The following TOX4 variants were observed in gnomAD, a reference collection of about 807,000 sequenced individuals.
TOX4 encodes TOX high mobility group box family member 4, also known as epidermal Langerhans cell protein LCP1.
In TOX4, 12 loss-of-function variants were observed where a neutral mutation model predicts 61.0. That is an observed-to-expected ratio of 0.20 (90% CI 0.13 to 0.32). The LOEUF is 0.32. Among genes scored for constraint, TOX4 ranks in the 10% least tolerant of loss-of-function variants. The probability of loss-of-function intolerance (pLI) is 1.00; values close to 1 mark genes in which losing one functional copy is unlikely to be tolerated. For missense variants in TOX4, 499 were observed against 753.3 expected, an observed-to-expected ratio of 0.66 and a Z score of 3.95; for synonymous variants, 268 against 274.8, an observed-to-expected ratio of 0.98 and a Z score of 0.24.
At chr14:21,486,588 T>A (rs2139622553) in intron 2 of TOX4, among the ~76,000 whole-genome samples, 1 of 152,310 alleles carries the variant, frequency 6.6e-6, no homozygotes, top group East Asian at 1.9e-4. Flanking sequence ...TATTTATAAA[T>A]GTCTATTGCT....
chr14:21,488,692 T>C lies in TOX4; in HGVS notation c.421T>C (p.Leu141=). ...ATCTGGCTTGATGGGGCATAGCCAGTTGACCACCATTGATCAGTCAGAACT... is the reference window on the plus strand; with the variant it reads ...ATCTGGCTTGATGGGGCATAGCCAGCTGACCACCATTGATCAGTCAGAACT... ...MTSGLMGHSQ[L]TTIDQSELSS... is the part of the protein sequence containing the mutation. Residue 141 remains leucine, a synonymous_variant, in exon 4 of 9, where the codon TTG becomes CTG. Coordinates refer to ENST00000448790, the MANE Select transcript of TOX4 (RefSeq NM_014828.4). 2 of 1,614,194 alleles carry C rather than the reference T, an allele frequency of 1.2e-6. No homozygotes were observed. The highest frequency in any genetic ancestry group is 1.7e-6 in the Non-Finnish European group (2 of 1,180,038).
chr14:21,490,416 G>A (rs1211064230), intron 5 of TOX4, among the ~76,000 whole-genome samples: 3 of 151,084 alleles, frequency 2.0e-5, no homozygotes, highest in African/African-American at 7.3e-5. Context: ...CAGAGGTTGC[G>A]GTGAGCCGAG....
chr14:21,495,286 T>C lies in TOX4; in HGVS notation c.1699T>C (p.Ser567Pro). ...GGTGAGTGGGTCTCCTGTGGCACTC[T>C]CACCCCAGCCTCGATGTGTGAGGTC... Reference protein sequence around the residue: ...ELVSGSPVALSPQPRCVRSGC... With the variant: ...ELVSGSPVALPPQPRCVRSGC... Residue 567 changes from serine (S) to proline (P), a missense_variant, in exon 8 of 9, where the codon TCA becomes CCA. Transcript: ENST00000448790. 1.2e-6 allele frequency: 2 copies of C among 1,614,186 alleles called. No individual in the cohort carries two copies. Among genetic ancestry groups the C allele is most frequent in the Non-Finnish European group, 8.5e-7 (1 of 1,180,040 alleles).
chr14:21,482,723 G>T, intron 2 of TOX4: 1 of 289,252 alleles, frequency 3.5e-6, no homozygotes, highest in South Asian at 3.1e-5. Context: ...GTGTGATCTG[G>T]TTATGTAATC....
intron 5 of TOX4, among the ~76,000 whole-genome samples, chr14:21,491,457 T>G (rs2139628282): frequency 6.6e-6 from 1 of 152,116 alleles, no homozygotes; most frequent in Middle Eastern, 3.4e-3. Flanking sequence ...TCTCCCAGGT[T>G]CACGCCATTC....
chr14:21,496,284 T>C (rs1891399352), intron 8 of TOX4: 2 of 287,648 alleles, frequency 7.0e-6, no homozygotes, highest in East Asian at 7.8e-5. Flanking sequence ...TCCCAGCACT[T>C]TGGGAGGCCA....
intron 2 of TOX4, among the ~76,000 whole-genome samples, chr14:21,484,289 C>A (rs1436475158): frequency 1.4e-5 from 2 of 141,436 alleles, no homozygotes; most frequent in Non-Finnish European, 3.1e-5. Flanking sequence ...CTTTTTTCTC[C>A]CTAGTTTCTG....
At position 21,497,113 on chromosome 14, in the gene TOX4, G is replaced by C. The variant is rs1022155225; in HGVS notation, c.*507G>C. 5 of 153,608 alleles carry C rather than the reference G, an allele frequency of 3.3e-5. No individual in the cohort carries two copies. The highest frequency in any genetic ancestry group is 1.9e-4 in the Admixed American group (3 of 15,584). 9.5% of individuals were successfully genotyped at this position (153,608 alleles called of 1,614,324 possible). On this transcript the variant is annotated 3_prime_UTR_variant, in exon 9 of 9. Transcript: ENST00000448790. ...GGGCATACTGGGCTACATGGAAAAT[G>C]ACATCACCCAGGAGTGATTTCTCTT... is the stretch of plus-strand genomic sequence containing the variant.
chr14:21,489,097 C>A, intron 4 of TOX4, 76 bp from the exon 5 acceptor site: 1 of 1,472,754 alleles, frequency 6.8e-7, no homozygotes, highest in South Asian at 1.3e-5. Context: ...CTGAAAATTC[C>A]ATACATGTGG....
chr14:21,496,660 A>C lies in TOX4; in HGVS notation c.*54A>C. ...GTTATCTGCTGGGAAAGTGTCCAAGAGCCTGTTTTTGAAACACAAGCTGGG... is the reference window on the plus strand; with the variant it reads ...GTTATCTGCTGGGAAAGTGTCCAAGCGCCTGTTTTTGAAACACAAGCTGGG... On this transcript the variant is annotated 3_prime_UTR_variant, in exon 9 of 9. Coordinates refer to ENST00000448790, the MANE Select transcript of TOX4 (RefSeq NM_014828.4). 6.5e-7 allele frequency: 1 copy of C among 1,544,916 alleles called. No homozygotes were observed. The highest frequency in any genetic ancestry group is 8.9e-7 in the Non-Finnish European group (1 of 1,122,168).
rs1332981294 is a variant in TOX4 at position 21,488,682 on chromosome 14, G to A, written c.411G>A (p.Gly137=). The A allele has an allele frequency of 1.2e-6, 2 of 1,614,124 alleles. No homozygotes were observed. Among genetic ancestry groups the A allele is most frequent in the Admixed American group, 3.3e-5 (2 of 60,020 alleles). ...PMTDMTSGLM[G]HSQLTTIDQS... Reference sequence around the variant, plus strand: ...CAGACATGACATCTGGCTTGATGGGGCATAGCCAGTTGACCACCATTGATC... The same window carrying A: ...CAGACATGACATCTGGCTTGATGGGACATAGCCAGTTGACCACCATTGATC... Residue 137 remains glycine, a synonymous_variant, in exon 4 of 9, where the codon GGG becomes GGA. Transcript: ENST00000448790.
chr14:21,492,678 G>A lies in TOX4; in HGVS notation c.1062G>A (p.Gln354=), dbSNP rs1315130597. 3.1e-6 allele frequency: 5 copies of A among 1,613,996 alleles called. No homozygotes were observed. In the South Asian group the frequency reaches 3.3e-5, roughly 11 times the overall value. The change falls in exon 7 of 9, where the codon CAG becomes CAA. Residue 354 remains glutamine, a synonymous_variant. Coordinates refer to ENST00000448790, the MANE Select transcript of TOX4 (RefSeq NM_014828.4). ...CCCTTTCATCCTATGTGGCAAACCAGGCATCTTCTGGAGCTGGGGGTCAGC... is the reference window on the plus strand; with the variant it reads ...CCCTTTCATCCTATGTGGCAAACCAAGCATCTTCTGGAGCTGGGGGTCAGC... ...NSTLSSYVAN[Q]ASSGAGGQPN...
chr14:21,492,209 C>CA (rs1239933308), intron 5 of TOX4, 87 bp from the exon 6 acceptor site: 1 of 1,223,312 alleles, frequency 8.2e-7, no homozygotes, highest in Non-Finnish European at 1.2e-6. Context: ...GATGAATTGT[C>CA]ATTCATTGAT....
Position 21,498,563 on chromosome 14 carries a change from G to C in TOX4, c.*1957G>C. 1 of 607,480 alleles carries C rather than the reference G, an allele frequency of 1.6e-6. No homozygotes were observed. The allele number at this position is 607,480 out of a possible 1,614,324, so 37.6% of individuals were successfully genotyped here. The stretch of plus-strand genomic sequence containing the variant: ...TGGCATAGATTCTGGTGTTAAAATA[G>C]ACTGGATCTGTATTATCTGAGGGTT... On this transcript the variant is annotated 3_prime_UTR_variant, in exon 9 of 9. Transcript: ENST00000448790.
chr14:21,477,826 T>A (rs1193710765), intron 2 of TOX4, among the ~76,000 whole-genome samples: 1 of 152,058 alleles, frequency 6.6e-6, no homozygotes, highest in Non-Finnish European at 1.5e-5. Context: ...GAAGACAGAG[T>A]GGAATTGTCT....
At chr14:21,478,757 C>T (rs1372333778) in intron 2 of TOX4, among the ~76,000 whole-genome samples, 1 of 151,928 alleles carries the variant, frequency 6.6e-6, no homozygotes, top group Admixed American at 6.6e-5. Context: ...CTAACGTTTT[C>T]ATGGATGAAA....
chr14:21,477,348 G>T, intron 1 of TOX4, 64 bp downstream of exon 1: 1 of 1,613,798 alleles, frequency 6.2e-7, no homozygotes, highest in Non-Finnish European at 8.5e-7. Context: ...AAGCAGGGAC[G>T]GGAAGCCGGG....
chr14:21,492,174 T>C (rs750206576), intron 5 of TOX4, 122 bp from the exon 6 acceptor site: 9 of 895,780 alleles, frequency 1.0e-5, no homozygotes, highest in East Asian at 7.9e-5. Flanking sequence ...AATTCACTGA[T>C]AGAGGTTGTC....
intron 4 of TOX4, 101 bp downstream of exon 4, chr14:21,488,951 C>A (rs1187166649): frequency 6.6e-7 from 1 of 1,507,170 alleles, no homozygotes. Context: ...GCCGTGCCAT[C>A]TCCTCTGCTG....
Sources: gnomAD v4.1 joint callset for allele counts (sites outside exome capture counted in the v4.1 genomes callset) on GRCh38, gnomAD v4.1.1 for gene constraint, MANE v1.5 for transcripts, NCBI Gene and HGNC (gene_info 2026-07-23, HGNC 2026-07-21) for gene names.